VWA8: variants seen among roughly 807,000 people sequenced by gnomAD.
The protein encoded by VWA8 is von Willebrand factor A domain containing 8, also known as von Willebrand factor A domain-containing protein 8.
VWA8 carries 221 observed loss-of-function variants against 241.5 expected under a neutral mutation model. The observed-to-expected ratio is 0.91, with a 90% confidence interval of 0.82 to 1.02. The LOEUF is 1.02. Among genes scored for constraint, VWA8 ranks in the 50% least tolerant of loss-of-function variants. The pLI is 0.00. For missense variants in VWA8, 2,322 were observed against 2,328.7 expected (o/e 1.00, Z 0.06); for synonymous variants, 852 against 827.1 (o/e 1.03, Z -0.52).
chr13:41,571,103 G>C (rs921577468), intron 43 of VWA8, among the ~76,000 whole-genome samples: 6 of 152,132 alleles, frequency 3.9e-5, no homozygotes, highest in Admixed American at 1.3e-4. Flanking sequence ...TAAAAACATT[G>C]TACTCACGTC....
At chr13:41,640,240 T>C (rs2044786832) in intron 37 of VWA8, among the ~76,000 whole-genome samples, 2 of 152,326 alleles carry the variant, frequency 1.3e-5, no homozygotes, top group African/African-American at 2.4e-5. Context: ...AGCAAAGCAA[T>C]GTCCAGGCTT....
chr13:41,648,228 T>C (rs1156541098), intron 37 of VWA8, among the ~76,000 whole-genome samples: 2 of 152,148 alleles, frequency 1.3e-5, no homozygotes, highest in African/African-American at 2.4e-5. Flanking sequence ...AAAGATTTCC[T>C]TTTTTTAGCA....
chr13:41,907,251 C>T (rs1283336425), intron 4 of VWA8, among the ~76,000 whole-genome samples: 1 of 152,086 alleles, frequency 6.6e-6, no homozygotes, highest in Non-Finnish European at 1.5e-5. Flanking sequence ...AATAAATATG[C>T]TAGAGAATCT....
At chr13:41,604,859 A>T (rs1374605394) in intron 40 of VWA8, among the ~76,000 whole-genome samples, 1 of 152,166 alleles carries the variant, frequency 6.6e-6, no homozygotes, top group African/African-American at 2.4e-5. Flanking sequence ...GAAGTGTCTT[A>T]ATATTTTCAG....
chr13:41,869,760 A>T (rs1237333241), intron 9 of VWA8, among the ~76,000 whole-genome samples: 1 of 152,102 alleles, frequency 6.6e-6, no homozygotes, highest in Non-Finnish European at 1.5e-5. Context: ...ACACAGAAAG[A>T]ATACAGGTAA....
At chr13:41,758,376 ATATATATATATATATACGCTAG>A (rs1377325689) in intron 21 of VWA8, among the ~76,000 whole-genome samples, 2,137 of 26,722 alleles carry the variant, frequency 0.08, 204 homozygotes, top group South Asian at 0.15. Flanking sequence ...TAGCATATAT[ATATATATATATATATACGCTAG>A]TATATATATA....
At chr13:41,834,574 C>A (rs1871631452) in intron 12 of VWA8, among the ~76,000 whole-genome samples, 1 of 151,836 alleles carries the variant, frequency 6.6e-6, no homozygotes, top group South Asian at 2.1e-4. Context: ...ACTAAAAATT[C>A]AAAAAAATAA....
intron 44 of VWA8, among the ~76,000 whole-genome samples, chr13:41,569,415 G>GCTAA (rs1471915174): frequency 6.6e-6 from 1 of 152,184 alleles, no homozygotes; most frequent in East Asian, 1.9e-4. Flanking sequence ...GATGCAAAGT[G>GCTAA]CTAACTTGTA....
At chr13:41,632,544 A>G (rs947477188) in intron 37 of VWA8, among the ~76,000 whole-genome samples, 5 of 152,214 alleles carry the variant, frequency 3.3e-5, no homozygotes, top group South Asian at 2.1e-4. Context: ...TTACAATGCT[A>G]TAGTCCCTCT....
At chr13:41,923,241 C>T (rs1315544172) in intron 2 of VWA8, among the ~76,000 whole-genome samples, 3 of 152,044 alleles carry the variant, frequency 2.0e-5, no homozygotes, top group African/African-American at 7.2e-5. Context: ...ACAATGAGAA[C>T]ACTTGGACAC....
chr13:41,778,945 C>T (rs1285206631), intron 19 of VWA8, among the ~76,000 whole-genome samples: 1 of 146,684 alleles, frequency 6.8e-6, no homozygotes, highest in Non-Finnish European at 1.5e-5. Flanking sequence ...GGGTTAACGC[C>T]ATTCTCTTGC....
intron 26 of VWA8, among the ~76,000 whole-genome samples, chr13:41,707,248 GCT>G (rs762159111): frequency 1.3e-5 from 2 of 152,138 alleles, no homozygotes; most frequent in African/African-American, 2.4e-5. Flanking sequence ...GTCTAAGATT[GCT>G]TCCATAAAGA....
chr13:41,791,032 T>C (rs1225209421), intron 17 of VWA8, among the ~76,000 whole-genome samples: 1 of 152,012 alleles, frequency 6.6e-6, no homozygotes. Context: ...ATAAAGTTCT[T>C]TGTGAAAATA....
chr13:41,856,691 G>T (rs1006118610), intron 12 of VWA8, among the ~76,000 whole-genome samples: 1 of 152,118 alleles, frequency 6.6e-6, no homozygotes, highest in Non-Finnish European at 1.5e-5. Flanking sequence ...AAGCCTGCTG[G>T]TGTGCACCTG....
intron 20 of VWA8, among the ~76,000 whole-genome samples, chr13:41,772,802 AATC>A (rs1469236585): frequency 2.6e-5 from 4 of 152,200 alleles, no homozygotes; most frequent in African/African-American, 9.7e-5. Flanking sequence ...ACAGATGTAA[AATC>A]TTTTCTAGTA....
At chr13:41,748,650 C>A (rs1055250988) in intron 21 of VWA8, among the ~76,000 whole-genome samples, 7 of 151,942 alleles carry the variant, frequency 4.6e-5, no homozygotes, top group South Asian at 4.2e-4. Flanking sequence ...GGTACTGGTA[C>A]CAAAACAGAG....
At chr13:41,739,255 C>T (rs2045548423) in intron 21 of VWA8, among the ~76,000 whole-genome samples, 1 of 152,096 alleles carries the variant, frequency 6.6e-6, no homozygotes, top group African/African-American at 2.4e-5. Flanking sequence ...TATCAAAAGA[C>T]ATTTTGTCAC....
intron 15 of VWA8, among the ~76,000 whole-genome samples, chr13:41,818,528 A>T (rs1870802025): frequency 6.6e-6 from 1 of 151,956 alleles, no homozygotes; most frequent in Admixed American, 6.5e-5. Context: ...AGATCACACC[A>T]CTCCAGCGTG....
chr13:41,661,637 G>A (rs921261168), intron 37 of VWA8, among the ~76,000 whole-genome samples: 8 of 152,048 alleles, frequency 5.3e-5, no homozygotes, highest in South Asian at 2.1e-4. Flanking sequence ...GACCTTAGAA[G>A]TTTTAAAGTA....
Sources: gnomAD v4.1 joint callset for allele counts (sites outside exome capture counted in the v4.1 genomes callset) on GRCh38, gnomAD v4.1.1 for gene constraint, MANE v1.5 for transcripts, NCBI Gene and HGNC (gene_info 2026-07-23, HGNC 2026-07-21) for gene names.